Variants in DCDC1 observed in about 807,000 individuals in gnomAD.
The protein encoded by DCDC1 is doublecortin domain containing 1, also known as doublecortin domain-containing protein 1.
DCDC1 carries 200 observed loss-of-function variants against 178.3 expected under a neutral mutation model. The observed-to-expected ratio is 1.12, with a 90% confidence interval of 1.00 to 1.26. The LOEUF is 1.26. DCDC1 is among the 50% of genes most tolerant of loss of function. DCDC1 has a pLI of 0.00. For synonymous variants in DCDC1, 690 were observed against 604.8 expected (o/e 1.14, Z -2.07); for missense variants, 1,983 against 1,749.2 (o/e 1.13, Z -2.38).
chr11:31,205,221 TAA>T (rs1288688533), intron 9 of DCDC1, among the ~76,000 whole-genome samples: 5 of 152,170 alleles, frequency 3.3e-5, no homozygotes, highest in Non-Finnish European at 7.3e-5. Flanking sequence ...TTTGTATAAA[TAA>T]AGTTTTATTT....
At chr11:31,025,727 T>C (rs1953184193) in intron 20 of DCDC1, among the ~76,000 whole-genome samples, 1 of 151,852 alleles carries the variant, frequency 6.6e-6, no homozygotes, top group Non-Finnish European at 1.5e-5. Flanking sequence ...TTTTCAATTT[T>C]AAGGTCATAA....
At chr11:31,250,420 ACATATATATG>A (rs146331652) in intron 8 of DCDC1, among the ~76,000 whole-genome samples, 2 of 75,774 alleles carry the variant, frequency 2.6e-5, no homozygotes, top group Non-Finnish European at 6.7e-5. Flanking sequence ...ACACACATAT[ACATATATATG>A]TATATATATA....
intron 4 of DCDC1, 51 bp downstream of exon 4, chr11:31,307,587 AG>A (rs1948539880): frequency 1.3e-6 from 2 of 1,593,862 alleles, no homozygotes; most frequent in East Asian, 4.5e-5. Flanking sequence ...CTCTGCTCAA[AG>A]GAAAGAACTT....
intron 9 of DCDC1, among the ~76,000 whole-genome samples, chr11:31,163,795 C>A (rs758617833): frequency 6.6e-6 from 1 of 152,042 alleles, no homozygotes; most frequent in Non-Finnish European, 1.5e-5. Flanking sequence ...CTTTCAGGAA[C>A]GTTAAAACAA....
intron 1 of DCDC1, among the ~76,000 whole-genome samples, chr11:31,368,328 C>G (rs1343691277): frequency 6.6e-6 from 1 of 152,070 alleles, no homozygotes; most frequent in Admixed American, 6.5e-5. Flanking sequence ...ACCTGGAGTA[C>G]CGGAGCATAT....
chr11:31,340,744 C>A (rs1055571892), intron 1 of DCDC1, among the ~76,000 whole-genome samples: 4 of 152,120 alleles, frequency 2.6e-5, no homozygotes, highest in African/African-American at 9.7e-5. Flanking sequence ...TTGAATTGCA[C>A]CCCTTCTCTA....
chr11:30,890,327 T>C (rs976249308), intron 36 of DCDC1, among the ~76,000 whole-genome samples: 1 of 152,242 alleles, frequency 6.6e-6, no homozygotes, highest in African/African-American at 2.4e-5. Context: ...GGGGCACCTA[T>C]TTAATACGCT....
chr11:31,294,174 G>A (rs1947432882), intron 6 of DCDC1, among the ~76,000 whole-genome samples: 1 of 152,140 alleles, frequency 6.6e-6, no homozygotes, highest in Non-Finnish European at 1.5e-5. Context: ...TCTTTGAACA[G>A]AGAGGCCTAT....
intron 17 of DCDC1, among the ~76,000 whole-genome samples, chr11:31,087,599 G>A (rs905172479): frequency 3.3e-5 from 5 of 151,932 alleles, no homozygotes; most frequent in Non-Finnish European, 7.4e-5. Flanking sequence ...TTTGATTCAT[G>A]GGTTTGTTAT....
chr11:31,106,471 T>C (rs1377754794), intron 13 of DCDC1, among the ~76,000 whole-genome samples: 2 of 152,232 alleles, frequency 1.3e-5, no homozygotes, highest in Non-Finnish European at 2.9e-5. Flanking sequence ...GACAGTGTGA[T>C]GGGCTTGGGC....
intron 1 of DCDC1, among the ~76,000 whole-genome samples, chr11:31,342,883 C>G (rs780990937): frequency 3.3e-5 from 5 of 152,042 alleles, no homozygotes; most frequent in Non-Finnish European, 7.4e-5. Flanking sequence ...TTATTTTTTA[C>G]TTATGCACAA....
At chr11:31,188,344 A>AATTC in intron 9 of DCDC1, among the ~76,000 whole-genome samples, 1 of 152,244 alleles carries the variant, frequency 6.6e-6, no homozygotes, top group East Asian at 1.9e-4. Flanking sequence ...AAGACTATAA[A>AATTC]ATTCATTCAT....
At chr11:31,301,228 T>G (rs1948095833) in intron 6 of DCDC1, among the ~76,000 whole-genome samples, 1 of 152,040 alleles carries the variant, frequency 6.6e-6, no homozygotes, top group African/African-American at 2.4e-5. Context: ...TATAGAAAAG[T>G]GGAAGTTAAA....
intron 15 of DCDC1, among the ~76,000 whole-genome samples, chr11:31,097,320 A>T (rs1359801589): frequency 6.6e-6 from 1 of 152,238 alleles, no homozygotes; most frequent in Non-Finnish European, 1.5e-5. Context: ...TAAGAAACAG[A>T]ACACGAGACA....
chr11:30,967,920 A>AT (rs919065862), intron 20 of DCDC1, among the ~76,000 whole-genome samples: 3 of 152,172 alleles, frequency 2.0e-5, no homozygotes, highest in African/African-American at 7.2e-5. Flanking sequence ...GAGAAAAAAA[A>AT]TGATGAGGTA....
At position 31,109,119 on chromosome 11, in the gene DCDC1, A is replaced by AT. The variant is rs36063214; in HGVS notation, c.1587+1140dup. On this transcript the variant is annotated intron_variant, in intron 12 of 38. Transcript: ENST00000684477. The stretch of plus-strand genomic sequence containing the variant: ...AAAGTTTCTATAGAATAATATCTTC[A>AT]TTTTTTTTTTTTTTTTTGAGACAGG... Among the ~76,000 whole-genome samples the AT allele has an allele frequency of 9.4e-3, 1,306 of 139,228 alleles. 11 individuals carry two copies. Among genetic ancestry groups the AT allele is most frequent in the African/African-American group, 0.018 (698 of 37,768 alleles). The allele number at this position is 139,228 out of a possible 152,430, so 91.3% of individuals were successfully genotyped here. A position where few individuals can be genotyped will look rare whatever the true frequency, so the allele number is the denominator to read the frequency against.
At chr11:31,264,505 G>A (rs1483286731) in intron 8 of DCDC1, among the ~76,000 whole-genome samples, 2 of 152,114 alleles carry the variant, frequency 1.3e-5, no homozygotes, top group African/African-American at 2.4e-5. Context: ...GAGCCAGCCT[G>A]CCAAGGTTTG....
chr11:31,130,497 G>A (rs1283287994), intron 10 of DCDC1, among the ~76,000 whole-genome samples: 4 of 152,060 alleles, frequency 2.6e-5, no homozygotes, highest in Admixed American at 6.6e-5. Context: ...CCTTCAAGCC[G>A]TATCTCAGAC....
chr11:31,052,363 A>G (rs1325118832), intron 20 of DCDC1, among the ~76,000 whole-genome samples: 1 of 152,160 alleles, frequency 6.6e-6, no homozygotes, highest in East Asian at 1.9e-4. Context: ...ACAATTAGTA[A>G]GAGTCCTAAG....
Sources: gnomAD v4.1 joint callset for allele counts (sites outside exome capture counted in the v4.1 genomes callset) on GRCh38, gnomAD v4.1.1 for gene constraint, MANE v1.5 for transcripts, NCBI Gene and HGNC (gene_info 2026-07-23, HGNC 2026-07-21) for gene names.